Variants in NTM observed in about 807,000 individuals in gnomAD.
The protein encoded by NTM is IgLON family member 2.
NTM carries 13 observed loss-of-function variants against 42.1 expected under a neutral mutation model. The observed-to-expected ratio is 0.31, with a 90% confidence interval of 0.20 to 0.49. The LOEUF (loss-of-function observed/expected upper bound fraction) is 0.49. Among genes scored for constraint, NTM ranks in the 20% least tolerant of loss-of-function variants. The pLI, the probability that NTM is intolerant of heterozygous loss-of-function variation, is 0.99. For synonymous variants in NTM, 187 were observed against 179.2 expected (o/e 1.04, Z -0.35); for missense variants, 373 against 452.8 (o/e 0.82, Z 1.60).
intron 1 of NTM, among the ~76,000 whole-genome samples, chr11:131,612,888 G>A (rs879753561): frequency 3.9e-5 from 6 of 152,180 alleles, no homozygotes; most frequent in African/African-American, 1.2e-4. Flanking sequence ...GGTTGTCATC[G>A]CTCCCTCTGC....
chr11:131,540,167 T>C (rs1040639600), intron 1 of NTM, among the ~76,000 whole-genome samples: 1 of 127,846 alleles, frequency 7.8e-6, no homozygotes, highest in Non-Finnish European at 1.6e-5. Context: ...TTTTTTTTTT[T>C]TTTTTTTTTT....
At chr11:131,895,641 A>AAT (rs142094376) in intron 1 of NTM, among the ~76,000 whole-genome samples, 84 of 151,550 alleles carry the variant, frequency 5.5e-4, no homozygotes, top group Middle Eastern at 3.4e-3. Context: ...TAGATTGTGA[A>AAT]ATATATATAT....
intron 4 of NTM, among the ~76,000 whole-genome samples, chr11:132,298,867 T>C (rs1292812563): frequency 6.6e-6 from 1 of 152,156 alleles, no homozygotes; most frequent in Non-Finnish European, 1.5e-5. Flanking sequence ...GTTTTGTTGA[T>C]ATTGATAGAC....
chr11:131,868,888 C>T (rs79177517), intron 1 of NTM, among the ~76,000 whole-genome samples: 6,217 of 152,232 alleles, frequency 0.041, 440 homozygotes, highest in African/African-American at 0.14. Flanking sequence ...CACATCCCAT[C>T]CCTCTGTCTT....
At chr11:131,730,137 T>C (rs982790139) in intron 1 of NTM, among the ~76,000 whole-genome samples, 1 of 152,200 alleles carries the variant, frequency 6.6e-6, no homozygotes, top group Non-Finnish European at 1.5e-5. Context: ...TCCTAGTGGG[T>C]GTAAAGTGGT....
intron 1 of NTM, among the ~76,000 whole-genome samples, chr11:131,694,471 C>T (rs1013133211): frequency 1.3e-5 from 2 of 152,216 alleles, no homozygotes; most frequent in African/African-American, 4.8e-5. Flanking sequence ...GGAAGCAGGG[C>T]TTAGGTCTGC....
intron 1 of NTM, among the ~76,000 whole-genome samples, chr11:131,753,822 G>A (rs1378352206): frequency 5.5e-5 from 8 of 146,784 alleles, no homozygotes; most frequent in East Asian, 2.1e-4. Context: ...CAGCACACCA[G>A]CATGGCACAT....
intron 2 of NTM, among the ~76,000 whole-genome samples, chr11:132,065,261 T>C (rs978242283): frequency 6.6e-6 from 1 of 152,204 alleles, no homozygotes; most frequent in African/African-American, 2.4e-5. Context: ...CGTGCATAAT[T>C]AGGCTGCCCC....
chr11:131,387,332 C>G (rs1310170369), intron 1 of NTM, among the ~76,000 whole-genome samples: 2 of 152,164 alleles, frequency 1.3e-5, no homozygotes, highest in Admixed American at 6.5e-5. Flanking sequence ...CTCTCTCACT[C>G]TGTCCCCAGC....
At chr11:132,212,265 G>C (rs2082981476) in intron 4 of NTM, 118 bp downstream of exon 4, 1 of 745,430 alleles carries the variant, frequency 1.3e-6, no homozygotes, top group Non-Finnish European at 2.2e-6. Flanking sequence ...TTGGTGGCTT[G>C]ATGGTAATCT....
chr11:131,963,802 T>C (rs1051991505), intron 2 of NTM, among the ~76,000 whole-genome samples: 1 of 152,216 alleles, frequency 6.6e-6, no homozygotes, highest in Non-Finnish European at 1.5e-5. Context: ...TTCTGAGTAA[T>C]TTATATGTAC....
intron 4 of NTM, among the ~76,000 whole-genome samples, chr11:132,245,029 G>T (rs1341916800): frequency 6.6e-6 from 1 of 152,214 alleles, no homozygotes; most frequent in Non-Finnish European, 1.5e-5. Context: ...TTCATTTCCA[G>T]TTGAATGTGC....
At chr11:132,207,717 G>A (rs1343311862) in intron 3 of NTM, among the ~76,000 whole-genome samples, 1 of 152,098 alleles carries the variant, frequency 6.6e-6, no homozygotes, top group Non-Finnish European at 1.5e-5. Flanking sequence ...CTTGCCTTAT[G>A]TTGTCTCCTT....
At chr11:132,036,824 T>C (rs924487376) in intron 2 of NTM, among the ~76,000 whole-genome samples, 1 of 152,182 alleles carries the variant, frequency 6.6e-6, no homozygotes, top group Non-Finnish European at 1.5e-5. Flanking sequence ...ATTCTGAAGA[T>C]GTCTAACATA....
intron 1 of NTM, among the ~76,000 whole-genome samples, chr11:131,644,119 C>A (rs548491218): frequency 2.8e-4 from 42 of 152,236 alleles, no homozygotes; most frequent in Non-Finnish European, 5.4e-4. Context: ...AGGTTGCATG[C>A]GACCTCCCCA....
At chr11:131,405,063 A>G (rs1237664505) in intron 1 of NTM, among the ~76,000 whole-genome samples, 1 of 152,092 alleles carries the variant, frequency 6.6e-6, no homozygotes, top group Non-Finnish European at 1.5e-5. Context: ...ACAGCTGACA[A>G]TTTTTTTGTT....
At chr11:132,316,614 G>A (rs1167926649) in intron 7 of NTM, among the ~76,000 whole-genome samples, 1 of 152,172 alleles carries the variant, frequency 6.6e-6, no homozygotes, top group Non-Finnish European at 1.5e-5. Flanking sequence ...CTCTAGGGGA[G>A]AAAAAGTTTG....
At chr11:131,503,963 A>G (rs1477976725) in intron 1 of NTM, among the ~76,000 whole-genome samples, 1 of 152,186 alleles carries the variant, frequency 6.6e-6, no homozygotes, top group Non-Finnish European at 1.5e-5. Context: ...TAGGGTCATT[A>G]GTGCTTTAAG....
At chr11:132,156,332 C>T (rs1422474591) in intron 3 of NTM, among the ~76,000 whole-genome samples, 1 of 152,202 alleles carries the variant, frequency 6.6e-6, no homozygotes, top group Non-Finnish European at 1.5e-5. Flanking sequence ...ACGTTCCCTT[C>T]CCTCTTCCTG....
Sources: allele counts gnomAD v4.1 joint callset (sites outside exome capture counted in the v4.1 genomes callset), GRCh38; gene constraint gnomAD v4.1.1; transcripts MANE v1.5; gene names NCBI Gene and HGNC (gene_info 2026-07-23, HGNC 2026-07-21).